The following DIP2A variants were observed in gnomAD, a reference collection of about 807,000 sequenced individuals.
DIP2A encodes DIP2 acetate--CoA ligase A, also known as disco-interacting protein 2 homolog A.
DIP2A carries 85 observed loss-of-function variants against 177.4 expected under a neutral mutation model. That is an observed-to-expected ratio of 0.48 (90% confidence interval 0.40 to 0.57). The LOEUF is 0.57. Ranked by LOEUF, DIP2A falls within the 20% of genes least tolerant of loss-of-function variation. The pLI is 0.00. For synonymous variants in DIP2A, 886 were observed against 881.8 expected (o/e 1.00, Z -0.08); for missense variants, 1,791 against 2,100.2 (o/e 0.85, Z 2.88).
intron 21 of DIP2A, among the ~76,000 whole-genome samples, chr21:46,549,359 A>G (rs1252235612): frequency 6.6e-6 from 1 of 152,236 alleles, no homozygotes; most frequent in Non-Finnish European, 1.5e-5. Context: ...AAGATAGTAA[A>G]AACACGTCTA....
At chr21:46,543,837 AT>A (rs1182506897) in intron 18 of DIP2A, among the ~76,000 whole-genome samples, 1 of 152,150 alleles carries the variant, frequency 6.6e-6, no homozygotes, top group African/African-American at 2.4e-5. Context: ...CACCTTCCAC[AT>A]CAGCCAAGCA....
chr21:46,469,203 C>T (rs1201707504), intron 1 of DIP2A: 2 of 152,218 alleles, frequency 1.3e-5, no homozygotes, highest in Non-Finnish European at 2.9e-5. Flanking sequence ...GCACCTTGCA[C>T]ATTTTAGGCA....
In DIP2A at chr21:46,551,738, C is replaced by T. The variant is rs772561691; in HGVS notation, c.2944C>T (p.Arg982Trp). The change falls in exon 24 of 38, where the codon CGG (arginine) becomes TGG (tryptophan). Residue 982 changes from arginine (R) to tryptophan (W), a missense_variant. Arg to Trp is a moderately radical substitution (Grantham distance 101, BLOSUM62 -3). Coordinates refer to ENST00000417564, the MANE Select transcript of DIP2A (RefSeq NM_015151.4). Reference protein sequence around the residue: ...LAHLEDSDQARKFLFLADVLQ... With the variant: ...LAHLEDSDQAWKFLFLADVLQ... ...CCACCTGGAGGACAGCGACCAGGCACGGAAGGTGACAGGCCAGTTCCGGGG... is the reference window on the plus strand; with the variant it reads ...CCACCTGGAGGACAGCGACCAGGCATGGAAGGTGACAGGCCAGTTCCGGGG... 3.1e-6 allele frequency: 5 copies of T among 1,613,920 alleles called. No individual in the cohort carries two copies. Among genetic ancestry groups the T allele is most frequent in the Admixed American group, 1.7e-5 (1 of 60,024 alleles).
chr21:46,566,597 T>C lies in DIP2A; in HGVS notation c.4377T>C (p.Asp1459=), dbSNP rs1755984205. 1 of 1,614,004 alleles carries C rather than the reference T, an allele frequency of 6.2e-7. No homozygotes were observed. Among genetic ancestry groups the C allele is most frequent in the Non-Finnish European group, 8.5e-7 (1 of 1,180,002 alleles). ...HDALYVVGSL[D]ETLELRGMRY... ...CACTGTATGTGGTTGGGTCTCTGGA[T>C]GAAACTCTGGAGCTCAGAGGCATGC... The change falls in exon 37 of 38, where the codon GAT becomes GAC. Residue 1459 remains aspartate (D), a synonymous_variant. Transcript: ENST00000417564.
At chr21:46,570,944 A>T (rs2060956856), downstream of DIP2A, among the ~76,000 whole-genome samples, 1 of 152,220 alleles carries the variant, frequency 6.6e-6, no homozygotes, top group Admixed American at 6.5e-5. Context: ...AAGCCAGAGA[A>T]TTTTGAAAGC....
intron 8 of DIP2A, among the ~76,000 whole-genome samples, chr21:46,519,086 CT>C (rs2148673857): frequency 6.6e-6 from 1 of 152,318 alleles, no homozygotes; most frequent in African/African-American, 2.4e-5. Flanking sequence ...TCTAGGATAA[CT>C]TCCTGACGTT....
chr21:46,501,939 C>T (rs937575835), intron 5 of DIP2A, among the ~76,000 whole-genome samples: 19 of 152,082 alleles, frequency 1.2e-4, no homozygotes, highest in African/African-American at 7.2e-5. Context: ...AAAATCTTAA[C>T]GGTTTAGATT....
chr21:46,528,427 T>C (rs2059198075), intron 8 of DIP2A, among the ~76,000 whole-genome samples: 1 of 151,110 alleles, frequency 6.6e-6, no homozygotes, highest in Middle Eastern at 3.2e-3. Context: ...TCTTGAAAAT[T>C]TTACAGGCAT....
At chr21:46,514,279 T>TA (rs2058447109) in intron 8 of DIP2A, among the ~76,000 whole-genome samples, 1 of 151,844 alleles carries the variant, frequency 6.6e-6, no homozygotes, top group Non-Finnish European at 1.5e-5. Flanking sequence ...CTAAAAAAAA[T>TA]ACAAAAATTA....
At position 46,533,554 on chromosome 21, in the gene DIP2A, C is replaced by T. The variant is rs2059436811; in HGVS notation, c.1336C>T (p.Leu446=). ...DAGSQQVGFL[L]GSCGVFLALT... The stretch of plus-strand genomic sequence containing the variant: ...AGGCAGCCAGCAGGTTGGGTTTCTG[C>T]TGGGCAGCTGTGGAGTCTTCTTGGC... The change falls in exon 11 of 38, where the codon CTG becomes TTG. Residue 446 remains leucine, a synonymous_variant. Transcript: ENST00000417564. 1.2e-6 allele frequency: 2 copies of T among 1,613,968 alleles called. No individual in the cohort carries two copies. The highest frequency in any genetic ancestry group is 1.7e-6 in the Non-Finnish European group (2 of 1,179,868).
chr21:46,535,097 C>G (rs2059508984), intron 13 of DIP2A, among the ~76,000 whole-genome samples: 1 of 152,138 alleles, frequency 6.6e-6, no homozygotes, highest in East Asian at 1.9e-4. Flanking sequence ...GAGGAAAACA[C>G]TTTTAGTTTT....
At chr21:46,536,903 CAAAA>C (rs10714360) in intron 13 of DIP2A, among the ~76,000 whole-genome samples, 1 of 129,502 alleles carries the variant, frequency 7.7e-6, no homozygotes, top group African/African-American at 2.9e-5. Context: ...GACTCTGTCT[CAAAA>C]AAAAAAAAAA....
rs531775966 is a variant in DIP2A at position 46,568,723 on chromosome 21, G to T, written c.*1101G>T. On this transcript the variant is annotated 3_prime_UTR_variant, in exon 38 of 38. Transcript: ENST00000417564. Reference sequence around the variant, plus strand: ...TAACACTACAATATTAATTCTTCTCGTGGAAGTGTACTGATTTATTATTTT... The same window carrying T: ...TAACACTACAATATTAATTCTTCTCTTGGAAGTGTACTGATTTATTATTTT... 2 of 152,226 alleles carry T rather than the reference G, an allele frequency of 1.3e-5. No homozygotes were observed. Among genetic ancestry groups the T allele is most frequent in the South Asian group, 2.1e-4 (1 of 4,824 alleles). 9.4% of individuals were successfully genotyped at this position (152,226 alleles called of 1,614,324 possible).
intron 21 of DIP2A, among the ~76,000 whole-genome samples, chr21:46,547,560 TCTA>T (rs1045856915): frequency 6.6e-6 from 1 of 152,004 alleles, no homozygotes; most frequent in African/African-American, 2.4e-5. Context: ...TTTTGCTTCT[TCTA>T]CTCCCAAGCT....
At chr21:46,550,846 C>A in intron 23 of DIP2A, 102 bp downstream of exon 23, 1 of 1,214,190 alleles carries the variant, frequency 8.2e-7, no homozygotes, top group Non-Finnish European at 1.2e-6. Flanking sequence ...GCCAACTGCC[C>A]ACGTCTTTGG....
In DIP2A at chr21:46,546,059, C is replaced by G; in HGVS notation, c.2394+98C>G. ...CAGCCCCACCCTTGTCCTGGCCGTTCCTGACCTCCCATGTGGCCTTGGTCG... is the reference window on the plus strand; with the variant it reads ...CAGCCCCACCCTTGTCCTGGCCGTTGCTGACCTCCCATGTGGCCTTGGTCG... On this transcript the variant is annotated intron_variant, in intron 20 of 37. Coordinates refer to ENST00000417564, the MANE Select transcript of DIP2A (RefSeq NM_015151.4). 5 of 1,588,474 alleles carry G rather than the reference C, an allele frequency of 3.1e-6. No individual in the cohort carries two copies. In the South Asian group the frequency reaches 4.5e-5, roughly 14 times the overall value.
intron 13 of DIP2A, among the ~76,000 whole-genome samples, chr21:46,535,332 T>C (rs545405107): frequency 6.6e-6 from 1 of 152,236 alleles, no homozygotes; most frequent in African/African-American, 2.4e-5. Context: ...TTTTAAAAAC[T>C]GTAAAAATGG....
At chr21:46,465,427 A>G (rs1328836365) in intron 1 of DIP2A, among the ~76,000 whole-genome samples, 1 of 151,306 alleles carries the variant, frequency 6.6e-6, no homozygotes, top group East Asian at 1.9e-4. Flanking sequence ...AAAAAAAATT[A>G]GCTGGTCATG....
intron 25 of DIP2A, chr21:46,553,587 C>T (rs913282529): frequency 3.3e-5 from 5 of 152,982 alleles, no homozygotes; most frequent in South Asian, 2.0e-4. Flanking sequence ...CTGAGAAAGC[C>T]GGTTGCAGAT....
Sources: gnomAD v4.1 joint callset for allele counts (sites outside exome capture counted in the v4.1 genomes callset) on GRCh38, gnomAD v4.1.1 for gene constraint, MANE v1.5 for transcripts, NCBI Gene and HGNC (gene_info 2026-07-23, HGNC 2026-07-21) for gene names.